TENM4: variants seen among roughly 807,000 people sequenced by gnomAD.
TENM4 encodes the protein teneurin-4.
In TENM4, 82 loss-of-function variants were observed where a neutral mutation model predicts 243.3. The ratio of observed to expected loss-of-function variants is 0.34; its 90% CI spans 0.28 to 0.40. The LOEUF (loss-of-function observed/expected upper bound fraction) is 0.40. Among genes scored for constraint, TENM4 ranks in the 10% least tolerant of loss-of-function variants. TENM4 has a pLI of 1.00. For synonymous variants in TENM4, 1,412 were observed against 1,456.3 expected (o/e 0.97, Z 0.69); for missense variants, 3,138 against 3,673.3 (o/e 0.85, Z 3.77).
At chr11:79,015,436 G>C (rs1858747618) in intron 6 of TENM4, among the ~76,000 whole-genome samples, 1 of 151,872 alleles carries the variant, frequency 6.6e-6, no homozygotes, top group South Asian at 2.1e-4. Context: ...AACCTATAGA[G>C]AAAAACTACA....
intron 9 of TENM4, among the ~76,000 whole-genome samples, chr11:78,889,289 C>A (rs1471513102): frequency 6.6e-6 from 1 of 152,204 alleles, no homozygotes; most frequent in African/African-American, 2.4e-5. Context: ...CCTCAGACTG[C>A]CTTGCCAGAC....
chr11:79,415,973 A>AC (rs1490862193), intron 1 of TENM4, among the ~76,000 whole-genome samples: 1 of 152,134 alleles, frequency 6.6e-6, no homozygotes, highest in East Asian at 1.9e-4. Context: ...AATTTAACAT[A>AC]AAAGGAATCA....
At chr11:79,110,492 G>A (rs1861479993) in intron 4 of TENM4, among the ~76,000 whole-genome samples, 1 of 152,210 alleles carries the variant, frequency 6.6e-6, no homozygotes, top group Non-Finnish European at 1.5e-5. Context: ...AGGAATGCAT[G>A]CTGGTGAAGG....
At chr11:79,397,415 C>T (rs977888498) in intron 1 of TENM4, among the ~76,000 whole-genome samples, 1 of 152,182 alleles carries the variant, frequency 6.6e-6, no homozygotes, top group Non-Finnish European at 1.5e-5. Context: ...TTCTGAGTGA[C>T]TCAAAGCCTG....
chr11:79,148,782 T>C lies in TENM4; in HGVS notation c.-138A>G. The C allele has an allele frequency of 1.0e-6, 1 of 982,318 alleles. No homozygotes were observed. Among genetic ancestry groups the C allele is most frequent in the Non-Finnish European group, 1.2e-6 (1 of 826,882 alleles). The allele number at this position is 982,318 out of a possible 1,614,324, so 60.9% of individuals were successfully genotyped here. ...ATCCTTGAAGTATGCAATTTTAATTTGGACACATGGTAATTTCAGTCTACC... is the reference window on the plus strand; with the variant it reads ...ATCCTTGAAGTATGCAATTTTAATTCGGACACATGGTAATTTCAGTCTACC... On this transcript the variant is annotated 5_prime_UTR_variant, in exon 4 of 34. Transcript: ENST00000278550.
chr11:78,831,544 G>A (rs753310818), intron 12 of TENM4, among the ~76,000 whole-genome samples: 1 of 152,224 alleles, frequency 6.6e-6, no homozygotes, highest in Non-Finnish European at 1.5e-5. Flanking sequence ...CTTGGAGACT[G>A]GGCAGATATT....
rs529065585 is a variant in TENM4, at chr11:78,940,510, G to A, written c.494-36987C>T. Among the ~76,000 whole-genome samples, 10 of 152,340 alleles carry A rather than the reference G, an allele frequency of 6.6e-5. No homozygotes were observed. The South Asian group carries it at 2.1e-3, about 32-fold the overall frequency. On this transcript the variant is annotated intron_variant, in intron 6 of 33. Coordinates refer to ENST00000278550, the MANE Select transcript of TENM4 (RefSeq NM_001098816.3). Reference sequence around the variant, plus strand: ...CCTGGGGATGGTTTAAGTGTCTCTTGGAAGGACTAGCAGACATTCACGGAT... The same window carrying A: ...CCTGGGGATGGTTTAAGTGTCTCTTAGAAGGACTAGCAGACATTCACGGAT...
intron 1 of TENM4, among the ~76,000 whole-genome samples, chr11:79,373,603 G>A (rs1857832206): frequency 6.6e-6 from 1 of 152,158 alleles, no homozygotes; most frequent in Non-Finnish European, 1.5e-5. Flanking sequence ...CGCAGTGAAG[G>A]AAAGAAGAAG....
At chr11:78,985,919 A>C (rs1367688545) in intron 6 of TENM4, among the ~76,000 whole-genome samples, 1 of 152,052 alleles carries the variant, frequency 6.6e-6, no homozygotes, top group Non-Finnish European at 1.5e-5. Flanking sequence ...TAGAGGTGCC[A>C]CTCCATGCCC....
chr11:78,939,585 C>T (rs753687483), intron 6 of TENM4, among the ~76,000 whole-genome samples: 11 of 152,202 alleles, frequency 7.2e-5, no homozygotes, highest in Non-Finnish European at 1.2e-4. Context: ...CTGCAGCCTT[C>T]TTGACCCCCA....
chr11:79,023,634 C>A (rs928438035), intron 6 of TENM4, among the ~76,000 whole-genome samples: 1 of 151,786 alleles, frequency 6.6e-6, no homozygotes, highest in Non-Finnish European at 1.5e-5. Context: ...TTTTTCAGCT[C>A]CTATAAGCTA....
chr11:78,773,762 G>A (rs1218612627), intron 17 of TENM4, among the ~76,000 whole-genome samples: 1 of 152,232 alleles, frequency 6.6e-6, no homozygotes, highest in African/African-American at 2.4e-5. Flanking sequence ...TCTGTGGGCT[G>A]TAATTTGCCA....
At chr11:78,832,904 A>C (rs1858015638) in intron 12 of TENM4, among the ~76,000 whole-genome samples, 2 of 152,250 alleles carry the variant, frequency 1.3e-5, no homozygotes, top group African/African-American at 2.4e-5. Context: ...ATTATTCTAG[A>C]TAATGAATGC....
rs112736689 is a variant in TENM4, at chr11:78,904,495, G to T, written c.494-972C>A. ...ATTTTAGATAGGGTGGCCACGTAAC[G>T]AGAAAGATGACTTTTGAATAAAGTG... On this transcript the variant is annotated intron_variant, in intron 6 of 33. Transcript: ENST00000278550. Among the ~76,000 whole-genome samples, 426 of 152,164 alleles carry T rather than the reference G, an allele frequency of 2.8e-3. 1 individual carries two copies. Among genetic ancestry groups the T allele is most frequent in the African/African-American group, 9.7e-3 (404 of 41,476 alleles).
intron 1 of TENM4, among the ~76,000 whole-genome samples, chr11:79,363,895 T>C (rs1201627426): frequency 6.6e-6 from 1 of 152,234 alleles, no homozygotes; most frequent in Admixed American, 6.5e-5. Flanking sequence ...CCTTTATTGT[T>C]TCAGTGAAAT....
At chr11:79,315,634 T>C (rs1856791004) in intron 1 of TENM4, among the ~76,000 whole-genome samples, 1 of 152,142 alleles carries the variant, frequency 6.6e-6, no homozygotes. Flanking sequence ...GAATCGTGGG[T>C]CCCACCCAGG....
At chr11:79,385,411 G>A (rs1362875527) in intron 1 of TENM4, among the ~76,000 whole-genome samples, 1 of 152,126 alleles carries the variant, frequency 6.6e-6, no homozygotes, top group Non-Finnish European at 1.5e-5. Flanking sequence ...TTCAATCATA[G>A]AAGACTGAAA....
At chr11:79,368,816 C>T (rs888320068) in intron 1 of TENM4, among the ~76,000 whole-genome samples, 3 of 152,304 alleles carry the variant, frequency 2.0e-5, no homozygotes, top group Non-Finnish European at 4.4e-5. Flanking sequence ...TTGTCATCAT[C>T]GTAGTGGGCA....
intron 4 of TENM4, among the ~76,000 whole-genome samples, chr11:79,132,145 A>G (rs533157421): frequency 2.0e-5 from 3 of 151,568 alleles, no homozygotes; most frequent in African/African-American, 7.3e-5. Flanking sequence ...GATCGAGACC[A>G]CCCTGGCTAA....
Sources: gnomAD v4.1 joint callset for allele counts (sites outside exome capture counted in the v4.1 genomes callset) on GRCh38, gnomAD v4.1.1 for gene constraint, MANE v1.5 for transcripts, NCBI Gene and HGNC (gene_info 2026-07-23, HGNC 2026-07-21) for gene names.